The following TTC23 variants were observed in gnomAD, a reference collection of about 807,000 sequenced individuals.
TTC23 encodes the protein tetratricopeptide repeat domain 23, also known as tetratricopeptide repeat protein 23.
In TTC23, 58 loss-of-function variants were observed where a neutral mutation model predicts 55.1. The observed-to-expected ratio is 1.05, with a 90% CI of 0.85 to 1.31. TTC23 has a LOEUF of 1.31. Ranked by LOEUF, TTC23 falls within the 50% of genes most tolerant of loss-of-function variation. The pLI is 0.00. For missense variants in TTC23, 516 were observed against 534.4 expected (o/e 0.97, Z 0.34); for synonymous variants, 203 against 199.9 (o/e 1.02, Z -0.13).
intron 10 of TTC23, among the ~76,000 whole-genome samples, chr15:99,172,166 C>T (rs569227694): frequency 6.6e-6 from 1 of 152,074 alleles, no homozygotes; most frequent in African/African-American, 2.4e-5. Flanking sequence ...TACAGGCGCG[C>T]ACCACCACAC....
intron 12 of TTC23, chr15:99,144,509 A>G (rs1596212602): frequency 6.6e-6 from 1 of 152,286 alleles, no homozygotes; most frequent in East Asian, 1.9e-4. Flanking sequence ...TTCCTCCCTT[A>G]ACCTCCTGCC....
At chr15:99,218,759 C>T in intron 7 of TTC23, 46 bp from the exon 8 acceptor site, 1 of 1,610,760 alleles carries the variant, frequency 6.2e-7, no homozygotes, top group East Asian at 2.2e-5. Flanking sequence ...AGATTCTACA[C>T]CCCATGTCCT....
At chr15:99,193,652 T>C (rs2075436044) in intron 9 of TTC23, among the ~76,000 whole-genome samples, 1 of 152,210 alleles carries the variant, frequency 6.6e-6, no homozygotes, top group Non-Finnish European at 1.5e-5. Context: ...ATACAATCAC[T>C]GATGTCTTTC....
intron 6 of TTC23, among the ~76,000 whole-genome samples, chr15:99,219,468 A>C (rs2665082): frequency 0.17 from 26,347 of 152,166 alleles, 2,531 homozygotes; most frequent in African/African-American, 0.25. Context: ...CTGAATCTTC[A>C]GCTCACCCAC....
chr15:99,184,799 G>A (rs2074508139), intron 9 of TTC23, among the ~76,000 whole-genome samples: 1 of 152,128 alleles, frequency 6.6e-6, no homozygotes, highest in African/African-American at 2.4e-5. Context: ...ATATGGGAGA[G>A]GCCACAGGCA....
chr15:99,167,191 A>G (rs2072236840), intron 10 of TTC23, among the ~76,000 whole-genome samples: 1 of 152,196 alleles, frequency 6.6e-6, no homozygotes, highest in African/African-American at 2.4e-5. Flanking sequence ...TTCCAGAAGG[A>G]CAGGAAGTCA....
At chr15:99,155,047 C>T (rs1188538291) in intron 12 of TTC23, among the ~76,000 whole-genome samples, 4 of 151,404 alleles carry the variant, frequency 2.6e-5, no homozygotes, top group Admixed American at 1.3e-4. Context: ...AATAGAATAC[C>T]CCCAAAACCT....
At chr15:99,211,749 A>G (rs898634408) in intron 8 of TTC23, among the ~76,000 whole-genome samples, 1 of 152,188 alleles carries the variant, frequency 6.6e-6, no homozygotes, top group Non-Finnish European at 1.5e-5. Flanking sequence ...TTTCACTTCA[A>G]CAGGAGAGGA....
At chr15:99,200,604 C>CTCATCAACTGT (rs2076120142) in intron 8 of TTC23, among the ~76,000 whole-genome samples, 1 of 152,168 alleles carries the variant, frequency 6.6e-6, no homozygotes, top group South Asian at 2.1e-4. Context: ...GTGAAGCACT[C>CTCATCAACTGT]TCATCAACTG....
At chr15:99,160,847 A>C (rs1391563007) in intron 11 of TTC23, 1 of 151,868 alleles carries the variant, frequency 6.6e-6, no homozygotes, top group Non-Finnish European at 1.5e-5. Context: ...CCCCAACTCT[A>C]CTAAAAATAC....
intron 4 of TTC23, among the ~76,000 whole-genome samples, chr15:99,231,930 T>A (rs1371356604): frequency 1.3e-5 from 2 of 151,778 alleles, no homozygotes; most frequent in African/African-American, 4.8e-5. Flanking sequence ...GTAGGTGGGA[T>A]TACAGGCATG....
chr15:99,200,883 C>T (rs921915738), intron 8 of TTC23, among the ~76,000 whole-genome samples: 7 of 152,322 alleles, frequency 4.6e-5, no homozygotes, highest in South Asian at 2.1e-4. Context: ...CTGTGGAATG[C>T]CACGTAGCCA....
chr15:99,250,882 A>G (rs2080680950), upstream of TTC23, among the ~76,000 whole-genome samples: 1 of 152,164 alleles, frequency 6.6e-6, no homozygotes, highest in Non-Finnish European at 1.5e-5. Flanking sequence ...TAGACTCACT[A>G]CTTGCTAAAT....
At position 99,219,088 on chromosome 15, in the gene TTC23, C is replaced by A. The variant is rs183240575; in HGVS notation, c.305-40G>T. On this transcript the variant is annotated intron_variant, in intron 6 of 13. Transcript: ENST00000394132. ...AAAGAGGTCTCAGTTTCTCTATCAT[C>A]TCAACTGGACAGGAATACAGTTCCT... 291 of 1,607,326 alleles carry A rather than the reference C, an allele frequency of 1.8e-4. 3 individuals carry two copies. The African/African-American group carries it at 3.5e-3, about 19-fold the overall frequency.
chr15:99,217,014 T>C (rs1208273759), intron 8 of TTC23, among the ~76,000 whole-genome samples: 1 of 152,010 alleles, frequency 6.6e-6, no homozygotes, highest in South Asian at 2.1e-4. Context: ...ACAAACAAAA[T>C]ACAACAAATG....
intron 3 of TTC23, among the ~76,000 whole-genome samples, chr15:99,237,866 C>T (rs2079450730): frequency 6.6e-6 from 1 of 152,160 alleles, no homozygotes; most frequent in East Asian, 1.9e-4. Context: ...ACCAGGCTTT[C>T]AGAGATCCCT....
rs1370803954 is a variant in TTC23, at chr15:99,204,632, G to GTTTTTGT, written c.582-4537_582-4536insACAAAAA. Among the ~76,000 whole-genome samples the GTTTTTGT allele has an allele frequency of 6.6e-5, 4 of 60,894 alleles. 1 individual carries two copies. Among genetic ancestry groups the GTTTTTGT allele is most frequent in the Non-Finnish European group, 1.1e-4 (4 of 35,222 alleles). 39.9% of individuals were successfully genotyped at this position (60,894 alleles called of 152,430 possible). A position where few individuals can be genotyped will look rare whatever the true frequency, so the allele number is the denominator to read the frequency against. On this transcript the variant is annotated intron_variant, in intron 8 of 13. Transcript: ENST00000394132. Reference sequence around the variant, plus strand: ...TCAGAGTTTCAGTCTTAGATTTAAGGTTTTTTTTTTTTTTTTTTTTTTTAG... The same window carrying GTTTTTGT: ...TCAGAGTTTCAGTCTTAGATTTAAGGTTTTTGTTTTTTTTTTTTTTTTTTTTTTTTAG...
intron 12 of TTC23, among the ~76,000 whole-genome samples, chr15:99,144,134 A>G (rs1016007227): frequency 1.3e-5 from 2 of 152,210 alleles, no homozygotes; most frequent in Admixed American, 6.5e-5. Context: ...TTGAGAGACA[A>G]TCTTAAGCAT....
intron 8 of TTC23, among the ~76,000 whole-genome samples, chr15:99,217,228 C>CT (rs1471782073): frequency 2.0e-5 from 3 of 151,682 alleles, no homozygotes; most frequent in Admixed American, 6.6e-5. Context: ...GTGGTCTCTA[C>CT]TCACTGCAAC....
Sources: allele counts gnomAD v4.1 joint callset (sites outside exome capture counted in the v4.1 genomes callset), GRCh38; gene constraint gnomAD v4.1.1; transcripts MANE v1.5; gene names NCBI Gene and HGNC (gene_info 2026-07-23, HGNC 2026-07-21).